ITGBL1: variants seen among roughly 807,000 people sequenced by gnomAD.
The protein encoded by ITGBL1 is integrin beta-like protein 1.
In ITGBL1, 51 loss-of-function variants were observed where a neutral mutation model predicts 68.5. That is an observed-to-expected ratio of 0.74 (90% confidence interval 0.59 to 0.94). The LOEUF (loss-of-function observed/expected upper bound fraction) is 0.94, where lower values mean the gene tolerates loss of function less well. Among genes scored for constraint, ITGBL1 ranks in the 40% least tolerant of loss-of-function variants. The pLI is 0.00. For synonymous variants in ITGBL1, 209 were observed against 227.3 expected (o/e 0.92, Z 0.72); for missense variants, 649 against 647.4 (o/e 1.00, Z -0.03).
chr13:101,540,796 A>G (rs562613709), intron 2 of ITGBL1, among the ~76,000 whole-genome samples: 1 of 151,180 alleles, frequency 6.6e-6, no homozygotes, highest in South Asian at 2.1e-4. Flanking sequence ...ATTGCTAGGT[A>G]TTTTATTCTC....
chr13:101,637,341 A>ATT (rs58584687), intron 7 of ITGBL1, among the ~76,000 whole-genome samples: 2,389 of 125,858 alleles, frequency 0.019, 98 homozygotes, highest in African/African-American at 0.069. Context: ...TTGGAACAGT[A>ATT]TTTTTTTTTT....
At chr13:101,573,446 A>G (rs1347015026) in intron 3 of ITGBL1, among the ~76,000 whole-genome samples, 3 of 152,192 alleles carry the variant, frequency 2.0e-5, no homozygotes, top group Non-Finnish European at 4.4e-5. Flanking sequence ...TGCAGAGGAT[A>G]TGAAAACAAG....
chr13:101,668,384 T>C (rs904961480), intron 7 of ITGBL1, among the ~76,000 whole-genome samples: 29 of 151,252 alleles, frequency 1.9e-4, no homozygotes, highest in Non-Finnish European at 3.7e-4. Context: ...TGAAACTCCA[T>C]CTCAAAAAAT....
chr13:101,634,310 C>T (rs2032093277), intron 7 of ITGBL1, among the ~76,000 whole-genome samples: 1 of 152,068 alleles, frequency 6.6e-6, no homozygotes, highest in South Asian at 2.1e-4. Flanking sequence ...GGGGAGATGA[C>T]CTTAGCCTAG....
At chr13:101,584,636 T>C (rs2050520170) in intron 6 of ITGBL1, among the ~76,000 whole-genome samples, 1 of 152,148 alleles carries the variant, frequency 6.6e-6, no homozygotes, top group Non-Finnish European at 1.5e-5. Context: ...TCTCTTGTGC[T>C]CCAGAGGATT....
intron 2 of ITGBL1, among the ~76,000 whole-genome samples, chr13:101,537,829 A>G (rs1333369236): frequency 6.6e-6 from 1 of 152,030 alleles, no homozygotes; most frequent in Non-Finnish European, 1.5e-5. Flanking sequence ...TTGCATGAAG[A>G]TCCACTGAGT....
At chr13:101,485,340 T>C (rs964617989) in intron 2 of ITGBL1, among the ~76,000 whole-genome samples, 1 of 152,148 alleles carries the variant, frequency 6.6e-6, no homozygotes, top group Non-Finnish European at 1.5e-5. Flanking sequence ...TATTCACATG[T>C]CTTTTAAAGA....
intron 6 of ITGBL1, among the ~76,000 whole-genome samples, 166 bp downstream of exon 6, chr13:101,583,522 A>G (rs1030940096): frequency 5.9e-5 from 9 of 152,190 alleles, no homozygotes; most frequent in African/African-American, 2.2e-4. Context: ...AATAATGTAA[A>G]GAGTATAATT....
chr13:101,569,139 C>T (rs911347384), intron 3 of ITGBL1, among the ~76,000 whole-genome samples: 1 of 151,932 alleles, frequency 6.6e-6, no homozygotes, highest in South Asian at 2.1e-4. Flanking sequence ...CGCGCGCATG[C>T]CCCATAGCGT....
chr13:101,486,892 C>A (rs914081763), intron 2 of ITGBL1, among the ~76,000 whole-genome samples: 1 of 151,950 alleles, frequency 6.6e-6, no homozygotes. Flanking sequence ...AAAATGCCTA[C>A]GTAGGTATTA....
At chr13:101,590,520 T>C (rs1186584202) in intron 6 of ITGBL1, among the ~76,000 whole-genome samples, 2 of 152,166 alleles carry the variant, frequency 1.3e-5, no homozygotes, top group East Asian at 3.9e-4. Flanking sequence ...ATCGGCTAGA[T>C]GTATTGTTCT....
At chr13:101,493,109 T>C (rs1354924063) in intron 2 of ITGBL1, among the ~76,000 whole-genome samples, 1 of 152,160 alleles carries the variant, frequency 6.6e-6, no homozygotes, top group African/African-American at 2.4e-5. Context: ...AATGAGTAGA[T>C]TTCAAATCAT....
intron 7 of ITGBL1, among the ~76,000 whole-genome samples, chr13:101,612,198 T>C (rs1191258927): frequency 6.6e-6 from 1 of 152,228 alleles, no homozygotes; most frequent in East Asian, 1.9e-4. Context: ...ATTCATGCCA[T>C]GTGGATGTTG....
intron 2 of ITGBL1, among the ~76,000 whole-genome samples, chr13:101,564,634 T>G (rs552182507): frequency 1.0e-4 from 15 of 149,730 alleles, no homozygotes; most frequent in African/African-American, 3.7e-4. Flanking sequence ...TATATATATG[T>G]TTTTATATAT....
intron 7 of ITGBL1, among the ~76,000 whole-genome samples, chr13:101,622,375 A>G (rs2031617496): frequency 6.6e-6 from 1 of 152,100 alleles, no homozygotes; most frequent in East Asian, 1.9e-4. Context: ...ATCAATACCA[A>G]TTCAGTCTAG....
Position 101,702,957 on chromosome 13 carries a change from G to A in ITGBL1, c.1133-3799G>A, listed in dbSNP as rs191415991. On this transcript the variant is annotated intron_variant, in intron 8 of 10. Coordinates refer to ENST00000376180, the MANE Select transcript of ITGBL1 (RefSeq NM_004791.3). ...CTAACTTGGCTCTACTCTACAGTTTGATTTGTGGGTAAAAATGAGAAAGAT... is the reference window on the plus strand; with the variant it reads ...CTAACTTGGCTCTACTCTACAGTTTAATTTGTGGGTAAAAATGAGAAAGAT... Among the ~76,000 whole-genome samples, 331 of 152,286 alleles carry A rather than the reference G, an allele frequency of 2.2e-3. 1 individual carries two copies. Among genetic ancestry groups the A allele is most frequent in the African/African-American group, 7.6e-3 (316 of 41,556 alleles).
intron 7 of ITGBL1, among the ~76,000 whole-genome samples, chr13:101,661,884 A>G (rs1184023839): frequency 2.0e-5 from 3 of 152,228 alleles, no homozygotes; most frequent in East Asian, 3.8e-4. Flanking sequence ...TAAAATTCCC[A>G]GTGGAATTAA....
At chr13:101,694,505 C>T (rs1178093141) in intron 8 of ITGBL1, among the ~76,000 whole-genome samples, 1 of 151,966 alleles carries the variant, frequency 6.6e-6, no homozygotes, top group Non-Finnish European at 1.5e-5. Context: ...CTCACTGAAA[C>T]CTCAAACTCC....
intron 7 of ITGBL1, among the ~76,000 whole-genome samples, chr13:101,671,454 T>TTTTTTTTTTTTGTGG (rs2033369582): frequency 7.2e-6 from 1 of 138,340 alleles, no homozygotes. Context: ...TTTGTTTTTT[T>TTTTTTTTTTTTGTGG]TTGAGACGGA....
Sources: allele counts gnomAD v4.1 joint callset (sites outside exome capture counted in the v4.1 genomes callset), GRCh38; gene constraint gnomAD v4.1.1; transcripts MANE v1.5; gene names NCBI Gene and HGNC (gene_info 2026-07-23, HGNC 2026-07-21).